The following SRBD1 variants were observed in gnomAD, a reference collection of about 807,000 sequenced individuals.
SRBD1 encodes S1 RNA-binding domain-containing protein 1.
Under a neutral mutation model 115.3 loss-of-function variants are expected in SRBD1, and 88 were observed. The observed-to-expected ratio is 0.76, with a 90% CI of 0.64 to 0.91. The LOEUF (loss-of-function observed/expected upper bound fraction) is 0.91. Ranked by LOEUF, SRBD1 falls within the 40% of genes least tolerant of loss-of-function variation. The probability of loss-of-function intolerance (pLI) is 0.00; values close to 1 mark genes in which losing one functional copy is unlikely to be tolerated. For synonymous variants in SRBD1, 509 were observed against 407.7 expected (o/e 1.25, Z -2.99); for missense variants, 1,385 against 1,177.4 (o/e 1.18, Z -2.58).
intron 14 of SRBD1, among the ~76,000 whole-genome samples, chr2:45,533,673 A>C (rs1410651869): frequency 6.6e-6 from 1 of 152,056 alleles, no homozygotes; most frequent in Admixed American, 6.6e-5. Context: ...GATTAGACAG[A>C]GAAAAAGTAA....
intron 11 of SRBD1, among the ~76,000 whole-genome samples, chr2:45,553,273 A>C (rs1672361098): frequency 3.9e-5 from 6 of 152,198 alleles, no homozygotes; most frequent in Admixed American, 3.9e-4. Flanking sequence ...TGGAGTTAAA[A>C]ACAAAGTAAT....
rs561065398 is a variant in SRBD1, at chr2:45,398,245, C to G, written c.2514-5116G>C. ...TCATGAAGTTGTTCTGAAAGCTCTTCCAGACTCTGATGAGAGAATATAGTT... is the reference window on the plus strand; with the variant it reads ...TCATGAAGTTGTTCTGAAAGCTCTTGCAGACTCTGATGAGAGAATATAGTT... On this transcript the variant is annotated intron_variant, in intron 19 of 20. Coordinates refer to ENST00000263736, the MANE Select transcript of SRBD1 (RefSeq NM_018079.5). Among the ~76,000 whole-genome samples the G allele has an allele frequency of 3.5e-4, 54 of 152,184 alleles. 3 individuals carry two copies. The South Asian group carries it at 0.011, about 31-fold the overall frequency.
At chr2:45,532,036 AAAGACTCTCC>A (rs1671629070) in intron 14 of SRBD1, among the ~76,000 whole-genome samples, 1 of 150,250 alleles carries the variant, frequency 6.7e-6, no homozygotes, top group Admixed American at 6.6e-5. Context: ...GCACTGTATT[AAAGACTCTCC>A]AACCCAAAGA....
At chr2:45,530,754 C>G (rs112209816) in intron 14 of SRBD1, among the ~76,000 whole-genome samples, 2 of 151,990 alleles carry the variant, frequency 1.3e-5, no homozygotes, top group African/African-American at 4.8e-5. Context: ...GGTCACTCTT[C>G]CAAATACAGG....
chr2:45,547,504 G>T lies in SRBD1; in HGVS notation c.1766+18C>A. 1 of 1,608,714 alleles carries T rather than the reference G, an allele frequency of 6.2e-7. No homozygotes were observed. ...GACTGAGCCACTGATATATTCAAAAGATTACTTATTTTCATACTTGAAATT... is the reference window on the plus strand; with the variant it reads ...GACTGAGCCACTGATATATTCAAAATATTACTTATTTTCATACTTGAAATT... On this transcript the variant is annotated intron_variant, in intron 13 of 20. Coordinates refer to ENST00000263736, the MANE Select transcript of SRBD1 (RefSeq NM_018079.5).
intron 16 of SRBD1, among the ~76,000 whole-genome samples, chr2:45,421,523 A>AAAAAAAAAAAAAAAC: frequency 7.6e-6 from 1 of 130,846 alleles, no homozygotes; most frequent in Non-Finnish European, 1.7e-5. Context: ...AAAAAAAAAA[A>AAAAAAAAAAAAAAAC]AAAAAAAAAA....
intron 19 of SRBD1, among the ~76,000 whole-genome samples, chr2:45,412,441 T>C (rs538395938): frequency 6.6e-6 from 1 of 152,290 alleles, no homozygotes; most frequent in East Asian, 1.9e-4. Context: ...TAAGTGATTT[T>C]AAAACAAAAA....
intron 16 of SRBD1, among the ~76,000 whole-genome samples, chr2:45,432,092 C>T (rs773904880): frequency 8.6e-5 from 13 of 152,044 alleles, no homozygotes; most frequent in Non-Finnish European, 1.2e-4. Context: ...TGCAACGGCA[C>T]GATCTTGGCT....
At chr2:45,555,482 T>TA (rs1672444827) in intron 10 of SRBD1, among the ~76,000 whole-genome samples, 1 of 147,026 alleles carries the variant, frequency 6.8e-6, no homozygotes, top group South Asian at 2.1e-4. Context: ...CTGCAATCAT[T>TA]AAACCCTTTT....
At chr2:45,461,148 T>C (rs1381656252) in intron 16 of SRBD1, among the ~76,000 whole-genome samples, 1 of 152,188 alleles carries the variant, frequency 6.6e-6, no homozygotes, top group African/African-American at 2.4e-5. Flanking sequence ...ATGACACAAT[T>C]TTTAGAGTAA....
chr2:45,580,427 G>A (rs181053613), intron 6 of SRBD1, among the ~76,000 whole-genome samples: 1 of 149,218 alleles, frequency 6.7e-6, no homozygotes, highest in East Asian at 2.0e-4. Flanking sequence ...CTCACTGCAA[G>A]CTCTGCCTCC....
chr2:45,558,597 T>C (rs1672555886), intron 10 of SRBD1, among the ~76,000 whole-genome samples: 1 of 152,084 alleles, frequency 6.6e-6, no homozygotes, highest in African/African-American at 2.4e-5. Context: ...GCCATTTAAA[T>C]CACTATTTGC....
At chr2:45,519,014 C>A (rs1255632556) in intron 14 of SRBD1, among the ~76,000 whole-genome samples, 2 of 146,926 alleles carry the variant, frequency 1.4e-5, no homozygotes, top group African/African-American at 5.0e-5. Flanking sequence ...GAATTTCTAG[C>A]AAAGTATATT....
At chr2:45,475,940 C>G (rs530732843) in intron 16 of SRBD1, among the ~76,000 whole-genome samples, 1 of 152,320 alleles carries the variant, frequency 6.6e-6, no homozygotes, top group African/African-American at 2.4e-5. Flanking sequence ...CTCAAGTGAT[C>G]CACCTGCCTT....
At chr2:45,405,618 AG>A (rs1667411819) in intron 19 of SRBD1, among the ~76,000 whole-genome samples, 1 of 152,194 alleles carries the variant, frequency 6.6e-6, no homozygotes, top group Non-Finnish European at 1.5e-5. Context: ...TAGAACAAGT[AG>A]AAAAAATGAT....
intron 4 of SRBD1, among the ~76,000 whole-genome samples, chr2:45,595,963 T>C (rs1025850724): frequency 2.0e-5 from 3 of 151,630 alleles, no homozygotes; most frequent in Admixed American, 1.3e-4. Context: ...TCTCAGAGAA[T>C]AGGCATTCAG....
intron 16 of SRBD1, among the ~76,000 whole-genome samples, chr2:45,463,084 A>C (rs1178864141): frequency 6.6e-6 from 1 of 150,818 alleles, no homozygotes; most frequent in African/African-American, 2.4e-5. Context: ...TATCATTAGA[A>C]TTCCTTTCCA....
chr2:45,523,275 GAAA>G (rs61024871), intron 14 of SRBD1, among the ~76,000 whole-genome samples: 3 of 86,580 alleles, frequency 3.5e-5, no homozygotes, highest in East Asian at 3.6e-4. Flanking sequence ...CAAAACGCTG[GAAA>G]AAAAAAAAAA....
intron 19 of SRBD1, 28 bp from the exon 20 acceptor site, chr2:45,393,157 C>T: frequency 6.4e-7 from 1 of 1,573,508 alleles, no homozygotes; most frequent in South Asian, 1.2e-5. Context: ...AAAAGCGCAA[C>T]ACTTAACAAT....
Sources: allele counts gnomAD v4.1 joint callset (sites outside exome capture counted in the v4.1 genomes callset), GRCh38; gene constraint gnomAD v4.1.1; transcripts MANE v1.5; gene names NCBI Gene and HGNC (gene_info 2026-07-23, HGNC 2026-07-21).